Variants in SLIT3 observed in about 807,000 individuals in gnomAD.
SLIT3 encodes the protein slit guidance ligand 3, also known as slit homolog 3 protein.
SLIT3 carries 68 observed loss-of-function variants against 184.0 expected under a neutral mutation model. The observed-to-expected ratio is 0.37, with a 90% CI of 0.30 to 0.45. The LOEUF (loss-of-function observed/expected upper bound fraction) is 0.45, where lower values mean the gene tolerates loss of function less well. Among genes scored for constraint, SLIT3 ranks in the 20% least tolerant of loss-of-function variants. The pLI is 1.00. For missense variants in SLIT3, 1,707 were observed against 2,026.0 expected (o/e 0.84, Z 3.02); for synonymous variants, 831 against 828.6 (o/e 1.00, Z -0.05).
At position 169,185,719 on chromosome 5, in the gene SLIT3, G is replaced by A. The variant is rs1189078683; in HGVS notation, c.413+7760C>T. Among the ~76,000 whole-genome samples the A allele has an allele frequency of 5.9e-5, 9 of 152,330 alleles. No individual in the cohort carries two copies. The East Asian group carries it at 1.5e-3, about 26-fold the overall frequency. On this transcript the variant is annotated intron_variant, in intron 4 of 35. Coordinates refer to ENST00000519560, the MANE Select transcript of SLIT3 (RefSeq NM_003062.4). Reference sequence around the variant, plus strand: ...GCAGAAAGCACTACCTAGAGGTACAGGGCTCCAGTCATTCAACAACTCTGA... The same window carrying A: ...GCAGAAAGCACTACCTAGAGGTACAAGGCTCCAGTCATTCAACAACTCTGA...
Position 168,772,959 on chromosome 5 carries a change from G to T in SLIT3, c.1296-15C>A, listed in dbSNP as rs772978353. The T allele has an allele frequency of 6.3e-6, 10 of 1,583,118 alleles. No individual in the cohort carries two copies. Among genetic ancestry groups the T allele is most frequent in the Non-Finnish European group, 8.6e-6 (10 of 1,163,182 alleles). On this transcript the variant is annotated splice_polypyrimidine_tract_variant and intron_variant, in intron 13 of 35. Coordinates refer to ENST00000519560, the MANE Select transcript of SLIT3 (RefSeq NM_003062.4). ...GGGCTAAGTGGCTGCGAGAGGGATG[G>T]GGCCGTTAATCAGGAGTGACCCACG...
intron 8 of SLIT3, among the ~76,000 whole-genome samples, chr5:168,807,407 T>C (rs1757005468): frequency 6.6e-6 from 1 of 152,220 alleles, no homozygotes; most frequent in Non-Finnish European, 1.5e-5. Context: ...TAAATGCAAA[T>C]GTTTTAAGGA....
intron 14 of SLIT3, chr5:168,768,034 C>A: frequency 2.8e-6 from 1 of 355,930 alleles, no homozygotes; most frequent in Admixed American, 3.6e-5. Flanking sequence ...TCCTACCCTC[C>A]TGCCTTTGGT....
intron 4 of SLIT3, among the ~76,000 whole-genome samples, chr5:169,065,435 C>T (rs557622898): frequency 1.2e-4 from 18 of 152,360 alleles, no homozygotes; most frequent in African/African-American, 4.1e-4. Flanking sequence ...ATCCATTCCC[C>T]TCCACTTGGG....
intron 4 of SLIT3, among the ~76,000 whole-genome samples, chr5:169,093,282 C>T (rs979244363): frequency 2.6e-5 from 4 of 152,134 alleles, no homozygotes; most frequent in Admixed American, 6.5e-5. Flanking sequence ...TTGTACCCTA[C>T]CAGTTTAGTG....
intron 4 of SLIT3, among the ~76,000 whole-genome samples, chr5:168,906,185 C>G (rs138101883): frequency 5.0e-4 from 76 of 152,302 alleles, no homozygotes; most frequent in African/African-American, 1.8e-3. Context: ...AAAATCTGAA[C>G]ATACCGTACT....
chr5:169,253,476 C>T (rs1293538153), intron 1 of SLIT3, among the ~76,000 whole-genome samples: 1 of 152,180 alleles, frequency 6.6e-6, no homozygotes, highest in African/African-American at 2.4e-5. Context: ...GCAGGCAGTC[C>T]TGAGCTTGAA....
chr5:168,935,300 C>T (rs1762125451), intron 4 of SLIT3, among the ~76,000 whole-genome samples: 1 of 152,126 alleles, frequency 6.6e-6, no homozygotes, highest in African/African-American at 2.4e-5. Context: ...TTCATTTTCT[C>T]TCTCCACTTC....
intron 5 of SLIT3, among the ~76,000 whole-genome samples, chr5:168,865,532 C>T (rs1759268202): frequency 6.6e-6 from 1 of 152,180 alleles, no homozygotes; most frequent in African/African-American, 2.4e-5. Context: ...GTTCTACAGG[C>T]AAAACTACAG....
intron 12 of SLIT3, among the ~76,000 whole-genome samples, chr5:168,777,202 T>C (rs920621011): frequency 1.3e-5 from 2 of 152,116 alleles, no homozygotes; most frequent in East Asian, 1.9e-4. Context: ...GAGGCAGCCA[T>C]GGAGTAGCTG....
intron 28 of SLIT3, among the ~76,000 whole-genome samples, chr5:168,693,731 G>A (rs1444645848): frequency 6.6e-6 from 1 of 152,254 alleles, no homozygotes; most frequent in South Asian, 2.1e-4. Context: ...CAGAGGGCTG[G>A]CTGCAGGGTA....
intron 3 of SLIT3, among the ~76,000 whole-genome samples, chr5:169,227,892 T>C (rs940283170): frequency 2.0e-5 from 3 of 152,224 alleles, no homozygotes; most frequent in Non-Finnish European, 4.4e-5. Flanking sequence ...TCTTAGCCTG[T>C]GCTCCTCATC....
At chr5:169,212,319 G>T (rs1208686802) in intron 3 of SLIT3, among the ~76,000 whole-genome samples, 6 of 152,116 alleles carry the variant, frequency 3.9e-5, no homozygotes, top group Non-Finnish European at 5.9e-5. Flanking sequence ...ATTCTAACTG[G>T]CATGAGATGG....
At chr5:169,293,926 AC>A (rs1328010624) in intron 1 of SLIT3, among the ~76,000 whole-genome samples, 2 of 152,244 alleles carry the variant, frequency 1.3e-5, no homozygotes, top group African/African-American at 4.8e-5. Context: ...AGGATTCCCA[AC>A]ATGAGCATCC....
chr5:169,237,999 T>C (rs1338528561), intron 3 of SLIT3, among the ~76,000 whole-genome samples: 1 of 152,180 alleles, frequency 6.6e-6, no homozygotes, highest in Non-Finnish European at 1.5e-5. Flanking sequence ...TCTTTACACA[T>C]TTGTCAAAAA....
At position 169,193,701 on chromosome 5, in the gene SLIT3, T is replaced by C. The variant is rs975068987; in HGVS notation, c.342-151A>G. The C allele has an allele frequency of 1.0e-5, 7 of 703,276 alleles. No homozygotes were observed. In the African/African-American group the frequency reaches 1.1e-4, roughly 11 times the overall value. 43.6% of individuals were successfully genotyped at this position (703,276 alleles called of 1,614,324 possible). ...TATGGGCTGCTCAACACATGTAAGG[T>C]ATATTCCCTGTTGGCGGGGCTTAGA... is the stretch of plus-strand genomic sequence containing the variant. On this transcript the variant is annotated intron_variant, in intron 3 of 35. Transcript: ENST00000519560.
intron 4 of SLIT3, among the ~76,000 whole-genome samples, chr5:169,142,502 A>G (rs969942264): frequency 2.0e-5 from 3 of 152,192 alleles, no homozygotes; most frequent in African/African-American, 7.2e-5. Flanking sequence ...GACACAGTGA[A>G]ATAGCAAAGC....
At chr5:168,673,139 C>T in intron 33 of SLIT3, 38 bp downstream of exon 33, 2 of 1,606,440 alleles carry the variant, frequency 1.2e-6, no homozygotes, top group African/African-American at 1.3e-5. Flanking sequence ...CACAGAGGGC[C>T]AGAGGGAGGT....
chr5:169,290,112 C>T (rs1241781478), intron 1 of SLIT3, among the ~76,000 whole-genome samples: 3 of 141,340 alleles, frequency 2.1e-5, no homozygotes, highest in Non-Finnish European at 4.7e-5. Context: ...GGCACACACT[C>T]GGGGATGCAC....
Sources: allele counts gnomAD v4.1 joint callset (sites outside exome capture counted in the v4.1 genomes callset), GRCh38; gene constraint gnomAD v4.1.1; transcripts MANE v1.5; gene names NCBI Gene and HGNC (gene_info 2026-07-23, HGNC 2026-07-21).